The following MYH15 variants were observed in gnomAD, a reference collection of about 807,000 sequenced individuals.
MYH15 encodes myosin-15.
A neutral mutation model predicts 240.5 loss-of-function variants in MYH15; 227 were observed. That is an observed-to-expected ratio of 0.94 (90% confidence interval 0.85 to 1.05). The LOEUF (loss-of-function observed/expected upper bound fraction) is 1.05. MYH15 is among the 50% of genes least tolerant of loss of function. MYH15 has a pLI of 0.00. For missense variants in MYH15, 2,217 were observed against 2,247.5 expected (o/e 0.99, Z 0.27); for synonymous variants, 785 against 796.7 (o/e 0.99, Z 0.25).
intron 19 of MYH15, 24 bp from the exon 20 acceptor site, chr3:108,455,883 C>A (rs570392404): frequency 8.1e-6 from 13 of 1,600,022 alleles, no homozygotes; most frequent in Non-Finnish European, 1.0e-5. Flanking sequence ...AAGAAAAAAT[C>A]ATGAGTTTGG....
chr3:108,550,457 C>A, the MYH15 span: 2 of 151,236 alleles, frequency 1.3e-5, no homozygotes, highest in Non-Finnish European at 3.0e-5. Context: ...ACTAAATATA[C>A]CTTACAAATA....
At chr3:108,437,089 A>G (rs969271478) in intron 25 of MYH15, among the ~76,000 whole-genome samples, 6 of 152,006 alleles carry the variant, frequency 3.9e-5, no homozygotes, top group Admixed American at 6.6e-5. Context: ...TATATAGTAA[A>G]TTATTTCACC....
chr3:108,475,028 G>A (rs1042432948), intron 12 of MYH15, among the ~76,000 whole-genome samples: 1 of 152,046 alleles, frequency 6.6e-6, no homozygotes, highest in Admixed American at 6.6e-5. Flanking sequence ...TATAGAGTAA[G>A]CTAAATTAAT....
At chr3:108,424,918 C>A (rs986450810) in intron 27 of MYH15, among the ~76,000 whole-genome samples, 1 of 152,210 alleles carries the variant, frequency 6.6e-6, no homozygotes, top group Admixed American at 6.5e-5. Context: ...GGACAAGTCA[C>A]TGAATCTATG....
At chr3:108,420,995 C>T (rs2082677727) in intron 28 of MYH15, 93 bp downstream of exon 28, 2 of 1,523,060 alleles carry the variant, frequency 1.3e-6, no homozygotes, top group South Asian at 1.2e-5. Context: ...GATGCCCACT[C>T]AGCCTCAGTG....
At position 108,408,286 on chromosome 3, in the gene MYH15, T is replaced by C. The variant is rs75982242; in HGVS notation, c.4614A>G (p.Glu1538=). Residue 1538 remains glutamate (E), a synonymous_variant, in exon 32 of 41, where the codon GAA becomes GAG. Transcript: ENST00000693548. ...TTCTCCCTGGTGATAATACCTCTGT[T>C]TCTTCCAGTGTCACCTGGACTTCTG... ...EKTEVQVTLE[E]TEGALERNES... 645 of 1,611,484 alleles carry C rather than the reference T, an allele frequency of 4.0e-4. 3 individuals carry two copies. The African/African-American group carries it at 6.9e-3, about 17-fold the overall frequency.
chr3:108,462,506 G>C (rs1375496264), intron 16 of MYH15, among the ~76,000 whole-genome samples: 1 of 152,076 alleles, frequency 6.6e-6, no homozygotes, highest in Non-Finnish European at 1.5e-5. Context: ...GCAAAGGCTA[G>C]GTGGAAAGAC....
At chr3:108,402,202 T>C (rs943397833) in intron 33 of MYH15, among the ~76,000 whole-genome samples, 4 of 152,184 alleles carry the variant, frequency 2.6e-5, no homozygotes, top group African/African-American at 9.7e-5. Context: ...GAGTTTGAGG[T>C]TCTAATTTTC....
intron 39 of MYH15, 75 bp downstream of exon 39, chr3:108,384,612 C>G (rs1192320669): frequency 3.0e-6 from 4 of 1,350,066 alleles, no homozygotes; most frequent in Non-Finnish European, 4.2e-6. Flanking sequence ...GCTTGCTGAG[C>G]TCAGGGTCAC....
chr3:108,496,566 T>C (rs1287275561), intron 6 of MYH15, among the ~76,000 whole-genome samples: 1 of 152,194 alleles, frequency 6.6e-6, no homozygotes, highest in Non-Finnish European at 1.5e-5. Flanking sequence ...ATATCCCTAC[T>C]ACTATATAAT....
intron 22 of MYH15, among the ~76,000 whole-genome samples, chr3:108,443,344 A>C (rs549354098): frequency 6.6e-6 from 1 of 152,346 alleles, no homozygotes; most frequent in South Asian, 2.1e-4. Flanking sequence ...ATACAGCTCC[A>C]AAATATTAAA....
At chr3:108,496,495 G>A (rs1323677526) in intron 6 of MYH15, among the ~76,000 whole-genome samples, 1 of 152,076 alleles carries the variant, frequency 6.6e-6, no homozygotes, top group Admixed American at 6.5e-5. Context: ...TTTTATGGGG[G>A]TAATTATGTA....
intron 13 of MYH15, 114 bp from the exon 14 acceptor site, chr3:108,470,326 C>A: frequency 2.9e-6 from 2 of 688,442 alleles, no homozygotes; most frequent in Non-Finnish European, 4.6e-6. Flanking sequence ...AGAAATAGAC[C>A]CAACAAGTAA....
rs781551823 is a variant in MYH15 at position 108,405,337 on chromosome 3, C to G, written c.4736+1G>C. 12 of 1,472,296 alleles carry G rather than the reference C, an allele frequency of 8.2e-6. No homozygotes were observed. Among genetic ancestry groups the G allele is most frequent in the Non-Finnish European group, 1.1e-5 (12 of 1,085,174 alleles). The allele number at this position is 1,472,296 out of a possible 1,614,324, so 91.2% of individuals were successfully genotyped here. A position where few individuals can be genotyped will look rare whatever the true frequency, so the allele number is the denominator to read the frequency against. On this transcript the variant is annotated splice_donor_variant, in intron 33 of 40. Transcript: ENST00000693548. LOFTEE classifies it high-confidence loss of function. ...TTACACATCAAAATCATCTTAAATA[C>G]CTAAAATTTTCTATTTCTTCATCTT...
chr3:108,428,094 T>C (rs2082740516), intron 27 of MYH15, among the ~76,000 whole-genome samples: 1 of 152,194 alleles, frequency 6.6e-6, no homozygotes, highest in African/African-American at 2.4e-5. Flanking sequence ...GCAAAGCTGT[T>C]TGTGTACACC....
At chr3:108,386,507 T>C (rs1229838206) in intron 38 of MYH15, among the ~76,000 whole-genome samples, 2 of 152,196 alleles carry the variant, frequency 1.3e-5, no homozygotes, top group Admixed American at 6.5e-5. Context: ...TAGCTGGGCA[T>C]AGTGAAGTCA....
At chr3:108,523,978 A>G (rs1329691699) in intron 1 of MYH15, among the ~76,000 whole-genome samples, 1 of 151,960 alleles carries the variant, frequency 6.6e-6, no homozygotes, top group Non-Finnish European at 1.5e-5. Context: ...TGACATTTCC[A>G]GAGGTTTTTT....
chr3:108,481,845 A>G (rs1379447887), intron 11 of MYH15, among the ~76,000 whole-genome samples: 1 of 152,194 alleles, frequency 6.6e-6, no homozygotes. Flanking sequence ...ACCTAATATC[A>G]TAGAGGTTAA....
chr3:108,545,693 AT>A, the MYH15 span, among the ~76,000 whole-genome samples: 1 of 138,268 alleles, frequency 7.2e-6, no homozygotes, highest in Non-Finnish European at 1.6e-5. Flanking sequence ...TAATATACAC[AT>A]ACACACACAC....
Sources: gnomAD v4.1 joint callset for allele counts (sites outside exome capture counted in the v4.1 genomes callset) on GRCh38, gnomAD v4.1.1 for gene constraint, MANE v1.5 for transcripts, NCBI Gene and HGNC (gene_info 2026-07-23, HGNC 2026-07-21) for gene names.